Variants in JAK2 observed in about 807,000 individuals in gnomAD.
JAK2 encodes tyrosine-protein kinase JAK2.
A neutral mutation model predicts 139.3 loss-of-function variants in JAK2; 86 were observed. That is an observed-to-expected ratio of 0.62 (90% CI 0.52 to 0.74). The LOEUF (loss-of-function observed/expected upper bound fraction) is 0.74, where lower values mean the gene tolerates loss of function less well. Among genes scored for constraint, JAK2 ranks in the 30% least tolerant of loss-of-function variants. The pLI is 0.00. For missense variants in JAK2, 1,421 were observed against 1,360.3 expected (o/e 1.04, Z -0.70); for synonymous variants, 490 against 437.7 (o/e 1.12, Z -1.49).
intron 19 of JAK2, among the ~76,000 whole-genome samples, chr9:5,089,406 C>T (rs540737985): frequency 2.6e-5 from 4 of 151,916 alleles, no homozygotes; most frequent in South Asian, 2.1e-4. Flanking sequence ...GGCGTATTGG[C>T]GGGCGCCTGT....
At chr9:5,051,827 T>C (rs887762565) in intron 6 of JAK2, among the ~76,000 whole-genome samples, 1 of 152,094 alleles carries the variant, frequency 6.6e-6, no homozygotes, top group African/African-American at 2.4e-5. Flanking sequence ...ATTTGCAGAG[T>C]ATCAATTTCT....
At chr9:5,099,017 C>A (rs1307788049) in intron 22 of JAK2, 2 of 152,082 alleles carry the variant, frequency 1.3e-5, no homozygotes, top group African/African-American at 2.4e-5. Context: ...TCTTATATAA[C>A]CCCAACACCA....
At chr9:5,076,457 C>G (rs986256649) in intron 14 of JAK2, among the ~76,000 whole-genome samples, 1 of 152,176 alleles carries the variant, frequency 6.6e-6, no homozygotes, top group African/African-American at 2.4e-5. Flanking sequence ...AAGATTACAA[C>G]TTTCTGAAGG....
intron 22 of JAK2, chr9:5,097,742 C>T (rs980712206): frequency 5.9e-5 from 9 of 152,146 alleles, no homozygotes; most frequent in Non-Finnish European, 5.9e-5. Flanking sequence ...CTAGCTAATT[C>T]ATCACTAGAT....
intron 2 of JAK2, among the ~76,000 whole-genome samples, chr9:5,018,597 C>T (rs1247663504): frequency 1.3e-5 from 2 of 152,166 alleles, no homozygotes; most frequent in African/African-American, 4.8e-5. Context: ...CCTCAGCCAC[C>T]CAAAGTGCTA....
chr9:4,991,120 G>T (rs1185188633), intron 2 of JAK2, among the ~76,000 whole-genome samples: 1 of 152,136 alleles, frequency 6.6e-6, no homozygotes, highest in African/African-American at 2.4e-5. Flanking sequence ...TTTCTAAAAG[G>T]AAGGAGAAAT....
At chr9:5,004,916 G>A (rs1821180006) in intron 2 of JAK2, among the ~76,000 whole-genome samples, 1 of 140,420 alleles carries the variant, frequency 7.1e-6, no homozygotes, top group Non-Finnish European at 1.5e-5. Flanking sequence ...TTTACATATT[G>A]TCTTTTTTTT....
At chr9:5,052,551 A>G (rs1213168968) in intron 6 of JAK2, among the ~76,000 whole-genome samples, 1 of 152,130 alleles carries the variant, frequency 6.6e-6, no homozygotes, top group African/African-American at 2.4e-5. Flanking sequence ...ATTTTGTATT[A>G]TATTCACAGG....
Position 5,078,388 on chromosome 9 carries a change from C to T in JAK2, c.2075C>T (p.Pro692Leu), listed in dbSNP as rs2130590977. The T allele has an allele frequency of 1.2e-6, 2 of 1,612,986 alleles. No homozygotes were observed. The highest frequency in any genetic ancestry group is 1.7e-6 in the Non-Finnish European group (2 of 1,179,234). Reference sequence around the variant, plus strand: ...GAAGAAGACAGGAAGACAGGAAATCCTCCTTTCATCAAACTTAGTGATCCT... The same window carrying T: ...GAAGAAGACAGGAAGACAGGAAATCTTCCTTTCATCAAACTTAGTGATCCT... ...IREEDRKTGN[P>L]PFIKLSDPGI... Residue 692 changes from proline to leucine, a missense_variant, in exon 16 of 25, where the codon CCT (proline) becomes CTT (leucine). By Grantham distance (98) the Pro-to-Leu change is moderately conservative. Coordinates refer to ENST00000381652, the MANE Select transcript of JAK2 (RefSeq NM_004972.4).
chr9:5,116,854 C>T (rs1298222857), intron 22 of JAK2, among the ~76,000 whole-genome samples: 2 of 152,158 alleles, frequency 1.3e-5, no homozygotes, highest in South Asian at 2.1e-4. Context: ...TAATATGGCA[C>T]TTTCAATAAT....
intron 2 of JAK2, among the ~76,000 whole-genome samples, chr9:5,005,724 A>C (rs533889673): frequency 7.9e-5 from 12 of 152,156 alleles, no homozygotes; most frequent in Non-Finnish European, 1.2e-4. Context: ...GAGAGTTTGT[A>C]TAAGCTCAAT....
At chr9:5,024,108 T>G (rs1822618827) in intron 3 of JAK2, among the ~76,000 whole-genome samples, 1 of 151,988 alleles carries the variant, frequency 6.6e-6, no homozygotes, top group Non-Finnish European at 1.5e-5. Flanking sequence ...TACAAAAAAT[T>G]AGCCAGGTGT....
In JAK2 at chr9:5,054,641, C is replaced by T. The variant is rs1327641230; in HGVS notation, c.693C>T (p.Tyr231=). ...YHILTRKRIR[Y]RFRRFIQQFS... ...TTTTGACAAGGAAGCGAATAAGGTA[C>T]AGATTTCGCAGATTTATTCAGCAAT... The change falls in exon 7 of 25, where the codon TAC becomes TAT. Residue 231 remains tyrosine, a synonymous_variant. Coordinates refer to ENST00000381652, the MANE Select transcript of JAK2 (RefSeq NM_004972.4). The surrounding 1 kb of genome is among the most constrained non-coding windows in gnomAD (Gnocchi z 4.9). 3.1e-6 allele frequency: 5 copies of T among 1,613,024 alleles called. No homozygotes were observed. The South Asian group carries it at 5.5e-5, about 18-fold the overall frequency.
intron 22 of JAK2, chr9:5,109,848 T>C (rs747051109): frequency 6.6e-6 from 1 of 152,208 alleles, no homozygotes; most frequent in Non-Finnish European, 1.5e-5. Flanking sequence ...CATCACAGTA[T>C]TCTTCCAATA....
At chr9:5,103,575 T>C (rs559732198) in intron 22 of JAK2, among the ~76,000 whole-genome samples, 3 of 152,294 alleles carry the variant, frequency 2.0e-5, no homozygotes, top group East Asian at 1.9e-4. Context: ...GTGAACCTAA[T>C]AGACATCTAC....
Position 5,126,462 on chromosome 9 carries a change from TA to T in JAK2, c.3291+18del. ...CCCAGATGAGGTAACAATTTTTTTT[TA>T]ATCCAGGGTAGTCATGCATTTTCTT... On this transcript the variant is annotated intron_variant, in intron 24 of 24. Coordinates refer to ENST00000381652, the MANE Select transcript of JAK2 (RefSeq NM_004972.4). The T allele has an allele frequency of 6.7e-7, 1 of 1,499,978 alleles. No homozygotes were observed. Among genetic ancestry groups the T allele is most frequent in the Non-Finnish European group, 9.2e-7 (1 of 1,084,124 alleles). 92.9% of individuals were successfully genotyped at this position (1,499,978 alleles called of 1,614,324 possible). A position where few individuals can be genotyped will look rare whatever the true frequency, so the allele number is the denominator to read the frequency against.
chr9:5,123,052 T>A lies in JAK2; in HGVS notation c.3108T>A (p.Asp1036Glu). Residue 1036 changes from aspartate to glutamate, a missense_variant, in exon 23 of 25, where the codon GAT (aspartate) becomes GAA (glutamate). Coordinates refer to ENST00000381652, the MANE Select transcript of JAK2 (RefSeq NM_004972.4). ...AGAGCAAGTTTTCTGTGGCCTCAGATGTTTGGAGCTTTGGAGTGGTTCTGT... is the reference window on the plus strand; with the variant it reads ...AGAGCAAGTTTTCTGTGGCCTCAGAAGTTTGGAGCTTTGGAGTGGTTCTGT... ...LTESKFSVASDVWSFGVVLYE... is the reference protein window; with the variant it reads ...LTESKFSVASEVWSFGVVLYE... The A allele has an allele frequency of 6.2e-7, 1 of 1,611,836 alleles. No individual in the cohort carries two copies. Among genetic ancestry groups the A allele is most frequent in the Non-Finnish European group, 8.5e-7 (1 of 1,178,540 alleles).
chr9:5,008,260 G>A (rs915855241), intron 2 of JAK2, among the ~76,000 whole-genome samples: 3 of 152,074 alleles, frequency 2.0e-5, no homozygotes, highest in Non-Finnish European at 2.9e-5. Flanking sequence ...ATTATATTTT[G>A]TATGATTTCA....
rs891059367 is a variant in JAK2 at position 5,024,079 on chromosome 9, A to G, written c.226+1866A>G. On this transcript the variant is annotated intron_variant, in intron 3 of 24. Transcript: ENST00000381652. ...AGATCATCCTGGCTAATATGGTGAA[A>G]CCTCATCTCTGCTAAAAATACAAAA... Among the ~76,000 whole-genome samples, 7 of 152,094 alleles carry G rather than the reference A, an allele frequency of 4.6e-5. No homozygotes were observed. The South Asian group carries it at 6.2e-4, about 14-fold the overall frequency.
Sources: allele counts gnomAD v4.1 joint callset (sites outside exome capture counted in the v4.1 genomes callset), GRCh38; gene constraint gnomAD v4.1.1; non-coding constraint Gnocchi (gnomAD v3.1); transcripts MANE v1.5; gene names NCBI Gene and HGNC (gene_info 2026-07-23, HGNC 2026-07-21).